FAM228B: variants seen among roughly 807,000 people sequenced by gnomAD.
The protein encoded by FAM228B is protein FAM228B.
Under a neutral mutation model 42.6 loss-of-function variants are expected in FAM228B, and 38 were observed. The observed-to-expected ratio is 0.89, with a 90% confidence interval of 0.69 to 1.17. The LOEUF (loss-of-function observed/expected upper bound fraction) is 1.17, where lower values mean the gene tolerates loss of function less well. Ranked by LOEUF, FAM228B falls within the 50% of genes most tolerant of loss-of-function variation. The pLI is 0.00. For missense variants in FAM228B, 344 were observed against 367.3 expected, an observed-to-expected ratio of 0.94 and a Z score of 0.52; for synonymous variants, 109 against 122.3, an observed-to-expected ratio of 0.89 and a Z score of 0.72.
upstream of FAM228B, among the ~76,000 whole-genome samples, chr2:24,122,131 A>G (rs1194954148): frequency 2.0e-5 from 3 of 152,118 alleles, no homozygotes; most frequent in Admixed American, 6.5e-5. Context: ...TAGGAGTTTG[A>G]GACTAGCCTG....
intron 7 of FAM228B, among the ~76,000 whole-genome samples, chr2:24,151,955 C>T (rs1435079122): frequency 6.6e-6 from 1 of 152,040 alleles, no homozygotes; most frequent in Non-Finnish European, 1.5e-5. Flanking sequence ...TGCAACCTCC[C>T]TCTCCCGGAC....
chr2:24,086,234 CAAAAA>C (rs57641176), intron 2 of FAM228B, among the ~76,000 whole-genome samples: 1 of 63,934 alleles, frequency 1.6e-5, no homozygotes. Flanking sequence ...GACTCCGTCT[CAAAAA>C]AAAAAAAAAA....
At chr2:24,079,439 C>T in intron 1 of FAM228B, 12 of 1,613,432 alleles carry the variant, frequency 7.4e-6, no homozygotes, top group Non-Finnish European at 1.0e-5. Context: ...TCATTCATCA[C>T]TCACCTTATT....
intron 2 of FAM228B, among the ~76,000 whole-genome samples, chr2:24,089,215 G>A (rs1026727486): frequency 5.3e-5 from 8 of 152,014 alleles, no homozygotes; most frequent in African/African-American, 1.9e-4. Flanking sequence ...TGGGTGTGGT[G>A]GTGGTTGCCT....
intron 2 of FAM228B, chr2:24,081,012 G>C: frequency 6.2e-7 from 1 of 1,613,704 alleles, no homozygotes; most frequent in Non-Finnish European, 8.5e-7. Context: ...TTAGCACATA[G>C]TCTCCAGCCT....
At chr2:24,110,970 C>T (rs548379055) in intron 3 of FAM228B, among the ~76,000 whole-genome samples, 1 of 152,140 alleles carries the variant, frequency 6.6e-6, no homozygotes, top group Non-Finnish European at 1.5e-5. Flanking sequence ...TTGGAAACTA[C>T]CAGGGTACTT....
intron 2 of FAM228B, among the ~76,000 whole-genome samples, chr2:24,128,718 A>G (rs1028683876): frequency 6.6e-6 from 1 of 151,750 alleles, no homozygotes; most frequent in Non-Finnish European, 1.5e-5. Context: ...TTTAAGTACA[A>G]GTGCACAGAT....
intron 2 of FAM228B, among the ~76,000 whole-genome samples, chr2:24,091,901 A>G (rs1219281649): frequency 6.6e-6 from 1 of 152,154 alleles, no homozygotes; most frequent in Non-Finnish European, 1.5e-5. Context: ...TGTATGTGGA[A>G]GAACAAATCC....
chr2:24,151,209 A>G (rs960909489), intron 7 of FAM228B, among the ~76,000 whole-genome samples: 5 of 152,066 alleles, frequency 3.3e-5, no homozygotes, highest in African/African-American at 9.7e-5. Context: ...AAATTCTGCT[A>G]TTAAAAGACT....
chr2:24,138,526 G>A (rs1036705059), intron 4 of FAM228B, among the ~76,000 whole-genome samples: 4 of 151,762 alleles, frequency 2.6e-5, no homozygotes, highest in African/African-American at 7.3e-5. Context: ...GTAGAGACAG[G>A]GTTTCTCCAT....
chr2:24,138,552 C>G (rs572378037), intron 4 of FAM228B, among the ~76,000 whole-genome samples: 1 of 151,764 alleles, frequency 6.6e-6, no homozygotes, highest in South Asian at 2.1e-4. Context: ...TCAGGCTGGT[C>G]TCGAACTCCC....
intron 3 of FAM228B, among the ~76,000 whole-genome samples, chr2:24,118,280 C>G (rs1665985538): frequency 6.6e-6 from 1 of 152,184 alleles, no homozygotes; most frequent in Admixed American, 6.5e-5. Flanking sequence ...CAAATCCTGA[C>G]ATCTGTTCAG....
At chr2:24,151,588 G>T (rs556568511) in intron 7 of FAM228B, among the ~76,000 whole-genome samples, 1 of 149,222 alleles carries the variant, frequency 6.7e-6, no homozygotes, top group Non-Finnish European at 1.5e-5. Context: ...CACTGCACCC[G>T]GCCTCATTAT....
At chr2:24,115,756 G>T in intron 3 of FAM228B, 2 of 832,000 alleles carry the variant, frequency 2.4e-6, no homozygotes, top group Non-Finnish European at 3.8e-6. Flanking sequence ...AAACAAGGGT[G>T]ACTGGATAGT....
intron 5 of FAM228B, chr2:24,142,603 A>T (rs1358279126): frequency 6.6e-6 from 1 of 152,184 alleles, no homozygotes; most frequent in African/African-American, 2.4e-5. Context: ...TCTTCCATGA[A>T]ACACCATTTT....
chr2:24,077,731 C>G lies in FAM228B; in HGVS notation c.-290+762C>G, dbSNP rs751404653. The G allele has an allele frequency of 3.1e-6, 5 of 1,613,818 alleles. No individual in the cohort carries two copies. Among genetic ancestry groups the G allele is most frequent in the Non-Finnish European group, 1.7e-6 (2 of 1,179,896 alleles). On this transcript the variant is annotated intron_variant, in intron 1 of 10. Coordinates refer to the FAM228B transcript ENST00000613899. This position sits in a 1 kb window ranked among gnomAD's most constrained non-coding sequence, Gnocchi z 5.5. ...GTGGAGAAGTGAGGCAGAATTTGCT[C>G]CGTGAAAGCATTCACCAGCATTTGC...
chr2:24,104,259 TG>T (rs1464910508), intron 3 of FAM228B, among the ~76,000 whole-genome samples: 1 of 152,198 alleles, frequency 6.6e-6, no homozygotes, highest in Non-Finnish European at 1.5e-5. Context: ...AGAATCCCAC[TG>T]GGCCCCACAC....
chr2:24,161,640 T>C (rs1375816729), intron 8 of FAM228B, 27 bp downstream of exon 8: 1 of 1,347,966 alleles, frequency 7.4e-7, no homozygotes. Context: ...ATAGCTTTGC[T>C]CTTCTTTTGC....
intron 2 of FAM228B, among the ~76,000 whole-genome samples, chr2:24,087,713 C>T (rs548966410): frequency 2.6e-4 from 39 of 151,778 alleles, no homozygotes; most frequent in Admixed American, 9.9e-4. Flanking sequence ...TAGGTTCAAG[C>T]GATTCTCCTG....
Sources: allele counts gnomAD v4.1 joint callset (sites outside exome capture counted in the v4.1 genomes callset), GRCh38; gene constraint gnomAD v4.1.1; non-coding constraint Gnocchi (gnomAD v3.1); transcripts MANE v1.5; gene names NCBI Gene and HGNC (gene_info 2026-07-23, HGNC 2026-07-21).